PHTF2: variants seen among roughly 807,000 people sequenced by gnomAD.
The protein encoded by PHTF2 is protein PHTF2.
In PHTF2, 60 loss-of-function variants were observed where a neutral mutation model predicts 101.2. That is an observed-to-expected ratio of 0.59 (90% CI 0.48 to 0.73). The LOEUF is 0.73. PHTF2 is among the 30% of genes least tolerant of loss of function. The pLI, the probability that PHTF2 is intolerant of heterozygous loss-of-function variation, is 0.00. For missense variants in PHTF2, 747 were observed against 908.7 expected (o/e 0.82, Z 2.29); for synonymous variants, 311 against 307.3 (o/e 1.01, Z -0.13).
At chr7:77,912,237 A>G (rs1286143475) in intron 9 of PHTF2, among the ~76,000 whole-genome samples, 1 of 152,204 alleles carries the variant, frequency 6.6e-6, no homozygotes, top group Non-Finnish European at 1.5e-5. Flanking sequence ...TATTCTCTTT[A>G]ATCATGACAG....
intron 9 of PHTF2, among the ~76,000 whole-genome samples, chr7:77,913,474 A>G (rs35530569): frequency 0.069 from 10,478 of 152,024 alleles, 417 homozygotes; most frequent in Middle Eastern, 0.092. Flanking sequence ...TAATGTAATT[A>G]TAGTTTCTAT....
chr7:77,801,065 T>G (rs1389508494), intron 1 of PHTF2, among the ~76,000 whole-genome samples: 1 of 152,196 alleles, frequency 6.6e-6, no homozygotes, highest in Non-Finnish European at 1.5e-5. Flanking sequence ...CACTTTGAGA[T>G]CATTGTATAA....
chr7:77,837,079 C>T (rs1029129926), intron 1 of PHTF2, among the ~76,000 whole-genome samples: 5 of 151,776 alleles, frequency 3.3e-5, no homozygotes, highest in African/African-American at 1.2e-4. Flanking sequence ...GTTATGCCTG[C>T]AGTTAGCCCT....
chr7:77,893,427 T>C (rs1174465229), intron 3 of PHTF2, among the ~76,000 whole-genome samples, 181 bp from the exon 3 acceptor site: 4 of 152,216 alleles, frequency 2.6e-5, no homozygotes, highest in Non-Finnish European at 4.4e-5. Context: ...CTAGTACTAC[T>C]GGTCCTGAAA....
chr7:77,843,789 A>T (rs1445734220), intron 2 of PHTF2, among the ~76,000 whole-genome samples: 1 of 152,216 alleles, frequency 6.6e-6, no homozygotes, highest in Non-Finnish European at 1.5e-5. Flanking sequence ...AATGTATACA[A>T]TATACATATA....
chr7:77,879,131 G>A (rs1799192241), intron 3 of PHTF2, among the ~76,000 whole-genome samples: 5 of 152,094 alleles, frequency 3.3e-5, no homozygotes, highest in Admixed American at 2.0e-4. Flanking sequence ...ACAGACATTG[G>A]TCCTTTCAGA....
intron 13 of PHTF2, among the ~76,000 whole-genome samples, chr7:77,939,589 CAAA>C (rs914007792): frequency 6.7e-5 from 5 of 75,092 alleles, no homozygotes; most frequent in Admixed American, 1.6e-4. Context: ...GACCCTGTCT[CAAA>C]AAAAAAAAAA....
At chr7:77,844,724 T>C (rs117484910) in intron 2 of PHTF2, among the ~76,000 whole-genome samples, 3,366 of 152,118 alleles carry the variant, frequency 0.022, 52 homozygotes, top group Middle Eastern at 0.068. Flanking sequence ...GAGGTTTTGC[T>C]GTGTTGGCCA....
intron 16 of PHTF2, among the ~76,000 whole-genome samples, chr7:77,949,308 A>T (rs1288434149): frequency 2.0e-5 from 3 of 152,130 alleles, no homozygotes; most frequent in African/African-American, 7.2e-5. Context: ...TAGTTCAAGG[A>T]TGTATATGTA....
intron 1 of PHTF2, among the ~76,000 whole-genome samples, chr7:77,809,756 T>C (rs760436206): frequency 2.3e-4 from 35 of 152,362 alleles, no homozygotes; most frequent in Admixed American, 2.0e-3. Flanking sequence ...ATAGTAGATA[T>C]TAAGGACTGT....
chr7:77,943,317 C>T (rs1024382685), intron 16 of PHTF2, among the ~76,000 whole-genome samples: 9 of 152,066 alleles, frequency 5.9e-5, no homozygotes, highest in African/African-American at 1.2e-4. Context: ...TTAGTAGAGA[C>T]GGGGTTTCAC....
chr7:77,847,831 C>T (rs576393247), intron 2 of PHTF2, among the ~76,000 whole-genome samples: 2 of 152,148 alleles, frequency 1.3e-5, no homozygotes, highest in East Asian at 3.9e-4. Flanking sequence ...GGTTTTGCAC[C>T]CATTAACCAT....
intron 3 of PHTF2, among the ~76,000 whole-genome samples, chr7:77,886,630 T>A (rs1340739677): frequency 6.6e-6 from 1 of 152,238 alleles, no homozygotes; most frequent in Non-Finnish European, 1.5e-5. Context: ...TACTAGTTAC[T>A]ATGGAATATA....
chr7:77,854,594 A>G (rs930108646), intron 2 of PHTF2: 1 of 620,222 alleles, frequency 1.6e-6, no homozygotes, highest in Non-Finnish European at 3.0e-6. Flanking sequence ...GGGCAGGTAC[A>G]GAAATGCCAT....
chr7:77,910,337 A>T, exon 9 of PHTF2: 1 of 1,613,876 alleles, frequency 6.2e-7, no homozygotes, highest in Non-Finnish European at 8.5e-7. Flanking sequence ...GTTCAGAACC[A>T]CGGTACAAGC....
chr7:77,859,204 C>T (rs1025134647), intron 3 of PHTF2, among the ~76,000 whole-genome samples: 5 of 152,190 alleles, frequency 3.3e-5, no homozygotes, highest in African/African-American at 1.2e-4. Flanking sequence ...ATCTTGAGAT[C>T]CTTAACTAAT....
At chr7:77,883,719 T>C (rs1035359730) in intron 3 of PHTF2, among the ~76,000 whole-genome samples, 2 of 152,216 alleles carry the variant, frequency 1.3e-5, no homozygotes, top group African/African-American at 4.8e-5. Context: ...GGCTTTCTTC[T>C]TTGTACCTTC....
At chr7:77,860,219 G>A (rs1797521180) in intron 3 of PHTF2, among the ~76,000 whole-genome samples, 1 of 152,138 alleles carries the variant, frequency 6.6e-6, no homozygotes. Flanking sequence ...ATATTAATCT[G>A]TTGTTTTTGT....
intron 3 of PHTF2, among the ~76,000 whole-genome samples, chr7:77,869,829 T>G (rs1278420689): frequency 6.6e-6 from 1 of 152,216 alleles, no homozygotes; most frequent in Non-Finnish European, 1.5e-5. Flanking sequence ...TGAGTTTTTT[T>G]GTTGTTGCTG....
Sources: allele counts gnomAD v4.1 joint callset (sites outside exome capture counted in the v4.1 genomes callset), GRCh38; gene constraint gnomAD v4.1.1; transcripts MANE v1.5; gene names NCBI Gene and HGNC (gene_info 2026-07-23, HGNC 2026-07-21).